The following GRIN2B variants were observed in gnomAD, a reference collection of about 807,000 sequenced individuals.
GRIN2B encodes glutamate ionotropic receptor NMDA type subunit 2B.
Under a neutral mutation model 114.5 loss-of-function variants are expected in GRIN2B, and 5 were observed. The observed-to-expected ratio is 0.04, with a 90% CI of 0.02 to 0.09. GRIN2B has a LOEUF of 0.09. Among genes scored for constraint, GRIN2B ranks in the 10% least tolerant of loss-of-function variants. The pLI, the probability that GRIN2B is intolerant of heterozygous loss-of-function variation, is 1.00. For synonymous variants in GRIN2B, 787 were observed against 745.1 expected (o/e 1.06, Z -0.92); for missense variants, 1,108 against 1,943.5 (o/e 0.57, Z 8.08).
chr12:13,966,506 A>G (rs1001866018), intron 2 of GRIN2B, among the ~76,000 whole-genome samples: 4 of 152,218 alleles, frequency 2.6e-5, no homozygotes, highest in African/African-American at 9.6e-5. Flanking sequence ...TTTGTACTAA[A>G]AATTCATGTT....
intron 5 of GRIN2B, among the ~76,000 whole-genome samples, chr12:13,641,943 T>C (rs1949721107): frequency 6.6e-6 from 1 of 152,088 alleles, no homozygotes; most frequent in African/African-American, 2.4e-5. Flanking sequence ...ATCCCAGAAC[T>C]TTGGGAGGCA....
chr12:13,863,606 A>G (rs1167209593), intron 3 of GRIN2B, among the ~76,000 whole-genome samples: 1 of 152,230 alleles, frequency 6.6e-6, no homozygotes, highest in African/African-American at 2.4e-5. Flanking sequence ...TAAATAAGAT[A>G]GTACATACAC....
chr12:13,740,101 C>G (rs1427075204), intron 4 of GRIN2B, among the ~76,000 whole-genome samples: 1 of 152,182 alleles, frequency 6.6e-6, no homozygotes, highest in Non-Finnish European at 1.5e-5. Flanking sequence ...GAACTCCACT[C>G]TCTTAGTCTC....
At chr12:13,565,048 C>T (rs1202303440) in intron 13 of GRIN2B, among the ~76,000 whole-genome samples, 2 of 152,198 alleles carry the variant, frequency 1.3e-5, no homozygotes, top group Non-Finnish European at 2.9e-5. Flanking sequence ...AAATAAACGG[C>T]CATGTTCTAT....
rs1010122738 is a variant in GRIN2B, at chr12:13,957,725, G to A, written c.-19+22203C>T. ...GTGCCGACTCCCCAGCACAGCAGTC[G>A]GCTCCCTCATCTCTCTTGCCTCCCT... On this transcript the variant is annotated intron_variant, in intron 2 of 13. Transcript: ENST00000609686. Among the ~76,000 whole-genome samples the A allele has an allele frequency of 3.3e-5, 5 of 152,102 alleles. No homozygotes were observed. The East Asian group carries it at 9.6e-4, about 29-fold the overall frequency.
intron 3 of GRIN2B, among the ~76,000 whole-genome samples, chr12:13,839,976 C>A (rs1017290103): frequency 1.3e-5 from 2 of 152,078 alleles, no homozygotes; most frequent in Non-Finnish European, 2.9e-5. Flanking sequence ...TATTTTTATA[C>A]GTGAATCTTT....
chr12:13,723,068 C>T (rs921699714), intron 4 of GRIN2B, among the ~76,000 whole-genome samples: 9 of 152,110 alleles, frequency 5.9e-5, no homozygotes, highest in East Asian at 3.9e-4. Context: ...CTGCTGGAGA[C>T]GTGCATATAT....
At chr12:13,857,894 T>C (rs750726283) in intron 3 of GRIN2B, among the ~76,000 whole-genome samples, 6 of 152,156 alleles carry the variant, frequency 3.9e-5, no homozygotes, top group Non-Finnish European at 7.4e-5. Flanking sequence ...AGTATGAGCA[T>C]GATGGATGAC....
At chr12:13,926,769 C>A (rs150194687) in intron 2 of GRIN2B, among the ~76,000 whole-genome samples, 10 of 152,038 alleles carry the variant, frequency 6.6e-5, no homozygotes, top group African/African-American at 2.4e-4. Context: ...CTGGCTAACA[C>A]GGTGAAACCC....
chr12:13,893,899 A>C (rs1218266016), intron 2 of GRIN2B, among the ~76,000 whole-genome samples: 1 of 152,136 alleles, frequency 6.6e-6, no homozygotes, highest in Non-Finnish European at 1.5e-5. Context: ...CAACTATAAT[A>C]AAGAATTTAA....
chr12:13,713,400 T>C (rs1009570873), intron 4 of GRIN2B, among the ~76,000 whole-genome samples: 1 of 151,856 alleles, frequency 6.6e-6, no homozygotes, highest in African/African-American at 2.4e-5. Flanking sequence ...GAGGTCCCCA[T>C]CTTACGAAGA....
intron 5 of GRIN2B, among the ~76,000 whole-genome samples, chr12:13,662,521 G>T (rs1949934582): frequency 6.6e-6 from 1 of 152,116 alleles, no homozygotes; most frequent in Non-Finnish European, 1.5e-5. Flanking sequence ...AAGCGTATAT[G>T]GCACTATCTG....
At chr12:13,979,545 A>AG (rs1284081200) in intron 2 of GRIN2B, among the ~76,000 whole-genome samples, 20 of 150,370 alleles carry the variant, frequency 1.3e-4, no homozygotes, top group Non-Finnish European at 1.3e-4. Flanking sequence ...AAAAAAAAAA[A>AG]GGATTTCTAG....
At chr12:13,699,880 C>T (rs1172847461) in intron 4 of GRIN2B, among the ~76,000 whole-genome samples, 1 of 65,794 alleles carries the variant, frequency 1.5e-5, no homozygotes, top group Non-Finnish European at 3.1e-5. Context: ...AGCCACCGCA[C>T]CCAGCCTTTT....
At position 13,544,781 on chromosome 12, in the gene GRIN2B, C is replaced by G. The variant is rs1948323114; in HGVS notation, c.*18002G>C. The G allele has an allele frequency of 6.6e-6, 1 of 152,222 alleles. No homozygotes were observed. The highest frequency in any genetic ancestry group is 2.4e-5 in the African/African-American group (1 of 41,444). 9.4% of individuals were successfully genotyped at this position (152,222 alleles called of 1,614,324 possible). A position where few individuals can be genotyped will look rare whatever the true frequency, so the allele number is the denominator to read the frequency against. The stretch of plus-strand genomic sequence containing the variant: ...GGAATCCAACTGCTTCTTATCACCT[C>G]CCCTGCTAACATCATGGCCCAAGCA... On this transcript the variant is annotated 3_prime_UTR_variant, in exon 14 of 14. Transcript: ENST00000609686.
chr12:13,640,953 T>G (rs1462417433), intron 5 of GRIN2B, among the ~76,000 whole-genome samples: 1 of 152,164 alleles, frequency 6.6e-6, no homozygotes, highest in Admixed American at 6.5e-5. Flanking sequence ...ACAACTCTGT[T>G]GTGAGAAGAA....
At chr12:13,878,812 G>A (rs201439915) in intron 2 of GRIN2B, among the ~76,000 whole-genome samples, 56 of 152,256 alleles carry the variant, frequency 3.7e-4, no homozygotes, top group African/African-American at 8.7e-4. Context: ...GAGAACAACC[G>A]TCGGGAGCCA....
At chr12:13,910,909 C>T (rs1210628279) in intron 2 of GRIN2B, among the ~76,000 whole-genome samples, 5 of 152,048 alleles carry the variant, frequency 3.3e-5, no homozygotes, top group African/African-American at 9.7e-5. Context: ...TTTGCATCTC[C>T]ATACCCCCGC....
At chr12:13,806,662 G>A (rs1407307521) in intron 3 of GRIN2B, among the ~76,000 whole-genome samples, 1 of 152,010 alleles carries the variant, frequency 6.6e-6, no homozygotes, top group Non-Finnish European at 1.5e-5. Context: ...CTCCGATTCT[G>A]TAGGTTTGTC....
Sources: gnomAD v4.1 joint callset for allele counts (sites outside exome capture counted in the v4.1 genomes callset) on GRCh38, gnomAD v4.1.1 for gene constraint, MANE v1.5 for transcripts, NCBI Gene and HGNC (gene_info 2026-07-23, HGNC 2026-07-21) for gene names.